Variants in TMC6 observed in about 807,000 individuals in gnomAD.
TMC6 encodes transmembrane channel-like protein 6.
A neutral mutation model predicts 95.4 loss-of-function variants in TMC6; 71 were observed. The observed-to-expected ratio is 0.74, with a 90% CI of 0.61 to 0.91. The LOEUF is 0.91. Among genes scored for constraint, TMC6 ranks in the 40% least tolerant of loss-of-function variants. The probability of loss-of-function intolerance (pLI) is 0.00; values close to 1 mark genes in which losing one functional copy is unlikely to be tolerated. For missense variants in TMC6, 1,074 were observed against 1,079.1 expected (o/e 1.00, Z 0.07); for synonymous variants, 514 against 483.1 (o/e 1.06, Z -0.84).
At chr17:78,113,819 T>A in intron 18 of TMC6, 195 bp from the exon 19 acceptor site, 1 of 635,808 alleles carries the variant, frequency 1.6e-6, no homozygotes. Context: ...TGGGCGTATG[T>A]GTGGATCTAA....
In TMC6 at chr17:78,124,717, G is replaced by A. The variant is rs897751975; in HGVS notation, c.698C>T (p.Ala233Val). 1.3e-6 allele frequency: 2 copies of A among 1,594,036 alleles called. No homozygotes were observed. The highest frequency in any genetic ancestry group is 8.5e-7 in the Non-Finnish European group (1 of 1,170,854). ...ALQALMPWRY[A>V]LKRIGGQFGS... ...GAACTGGCCCCCGATGCGCTTCAGG[G>A]CGTAGCGCCACGGCATCAGGGCCTG... Residue 233 changes from alanine to valine, a missense_variant, in exon 8 of 20, where the codon GCC (alanine) becomes GTC (valine). Ala to Val is a moderately conservative substitution (Grantham distance 64). Coordinates refer to ENST00000590602, the MANE Select transcript of TMC6 (RefSeq NM_001127198.5).
At chr17:78,126,960 C>G in intron 1 of TMC6, 54 bp from the exon 2 acceptor site, 2 of 1,073,582 alleles carry the variant, frequency 1.9e-6, no homozygotes, top group Non-Finnish European at 2.8e-6. Flanking sequence ...TGGCAGCTGT[C>G]CACACCACCC....
chr17:78,117,068 G>A (rs1321180018), intron 18 of TMC6, among the ~76,000 whole-genome samples: 2 of 152,208 alleles, frequency 1.3e-5, no homozygotes, highest in African/African-American at 4.8e-5. Flanking sequence ...CGGGTCCTTG[G>A]GGATCAGGAG....
In TMC6 at chr17:78,122,531, A is replaced by G. The variant is rs1481492482; in HGVS notation, c.1227+74T>C. The G allele has an allele frequency of 1.4e-5, 22 of 1,587,072 alleles. No homozygotes were observed. The highest frequency in any genetic ancestry group is 1.7e-5 in the Non-Finnish European group (20 of 1,172,074). ...CCCTCTAGACCATGGTTCTGGTCAC[A>G]TGGTCCTAAGTGGACCCAGGGCCAG... On this transcript the variant is annotated intron_variant, in intron 10 of 19. Transcript: ENST00000590602. The surrounding 1 kb of genome is among the most constrained non-coding windows in gnomAD (Gnocchi z 4.9).
In TMC6 at chr17:78,112,804, C is replaced by T. The variant is rs983351172; in HGVS notation, c.*344G>A. On this transcript the variant is annotated 3_prime_UTR_variant, in exon 20 of 20. Transcript: ENST00000590602. ...CATCTGGGGCTTGGCCAGCAGAGGGCGCCCCCACTCCAGCTGAGGTTCCCA... is the reference window on the plus strand; with the variant it reads ...CATCTGGGGCTTGGCCAGCAGAGGGTGCCCCCACTCCAGCTGAGGTTCCCA... 22 of 393,668 alleles carry T rather than the reference C, an allele frequency of 5.6e-5. No individual in the cohort carries two copies. Among genetic ancestry groups the T allele is most frequent in the Admixed American group, 2.6e-4 (6 of 23,020 alleles). 24.4% of individuals were successfully genotyped at this position (393,668 alleles called of 1,614,324 possible). A position where few individuals can be genotyped will look rare whatever the true frequency, so the allele number is the denominator to read the frequency against.
rs2073777693 is a variant in TMC6, at chr17:78,109,322, C to G, written c.*3826G>C. On this transcript the variant is annotated 3_prime_UTR_variant, in exon 20 of 20. Coordinates refer to ENST00000590602, the MANE Select transcript of TMC6 (RefSeq NM_001127198.5). ...GACAGTGGGGCATCCCGAGAAGATC[C>G]TCTGCAGGAGTGCGGTGTCTACGGA... The G allele has an allele frequency of 2.6e-6, 1 of 382,812 alleles. No individual in the cohort carries two copies. Among genetic ancestry groups the G allele is most frequent in the Non-Finnish European group, 5.3e-6 (1 of 189,828 alleles). The allele number at this position is 382,812 out of a possible 1,614,324, so 23.7% of individuals were successfully genotyped here.
intron 18 of TMC6, among the ~76,000 whole-genome samples, chr17:78,114,178 G>T (rs1056941301): frequency 6.6e-6 from 1 of 152,094 alleles, no homozygotes; most frequent in African/African-American, 2.4e-5. Context: ...CCTCTTCCTC[G>T]CCTTTTCCAA....
rs938114062 is a variant in TMC6, at chr17:78,122,988, G to T, written c.1083-239C>A. The stretch of plus-strand genomic sequence containing the variant: ...AAGAGGGGGCAGGGCTGCATTCACC[G>T]CGGACTTGGCTGGCTGCCTCCCAGC... On this transcript the variant is annotated intron_variant, in intron 9 of 19. Coordinates refer to ENST00000590602, the MANE Select transcript of TMC6 (RefSeq NM_001127198.5). The surrounding 1 kb of genome is among the most constrained non-coding windows in gnomAD (Gnocchi z 4.9). 8.2e-6 allele frequency: 5 copies of T among 608,124 alleles called. No homozygotes were observed. The highest frequency in any genetic ancestry group is 1.5e-5 in the Non-Finnish European group (5 of 344,428). The allele number at this position is 608,124 out of a possible 1,614,324, so 37.7% of individuals were successfully genotyped here. A position where few individuals can be genotyped will look rare whatever the true frequency, so the allele number is the denominator to read the frequency against.
chr17:78,124,347 C>T, intron 8 of TMC6, 168 bp from the exon 9 acceptor site: 1 of 1,339,902 alleles, frequency 7.5e-7, no homozygotes, highest in Non-Finnish European at 1.0e-6. Context: ...CATGGGAACC[C>T]CAGCACGATG....
At chr17:78,113,684 C>A in intron 18 of TMC6, 60 bp from the exon 19 acceptor site, 1 of 1,576,822 alleles carries the variant, frequency 6.3e-7, no homozygotes. Context: ...CCAGAGCCAT[C>A]CTGTTCCAAA....
rs1321725901 is a variant in TMC6 at position 78,109,547 on chromosome 17, C to T, written c.*3601G>A. 2.2e-6 allele frequency: 1 copy of T among 456,522 alleles called. No homozygotes were observed. The highest frequency in any genetic ancestry group is 6.9e-5 in the East Asian group (1 of 14,394). 28.3% of individuals were successfully genotyped at this position (456,522 alleles called of 1,614,324 possible). A position where few individuals can be genotyped will look rare whatever the true frequency, so the allele number is the denominator to read the frequency against. On this transcript the variant is annotated 3_prime_UTR_variant, in exon 20 of 20. Coordinates refer to ENST00000590602, the MANE Select transcript of TMC6 (RefSeq NM_001127198.5). ...TCAGGAGGCTGAGGCGGGAGGATCA[C>T]CTGAGCCCAGGAGGTCGAGGCTGCA...
At position 78,124,749 on chromosome 17, in the gene TMC6, G is replaced by C. The variant is rs371379212; in HGVS notation, c.666C>G (p.Ser222=). ...ALHSLGLALL[S]ALQALMPWRY... is the part of the protein sequence containing the mutation. ...GCCACGGCATCAGGGCCTGCAGGGCGGAGAGCAGCGCCAGGCCCAGGCTGT... is the reference window on the plus strand; with the variant it reads ...GCCACGGCATCAGGGCCTGCAGGGCCGAGAGCAGCGCCAGGCCCAGGCTGT... Residue 222 remains serine (S), a synonymous_variant, in exon 8 of 20, where the codon TCC becomes TCG. Coordinates refer to ENST00000590602, the MANE Select transcript of TMC6 (RefSeq NM_001127198.5). 2 of 1,584,488 alleles carry C rather than the reference G, an allele frequency of 1.3e-6. No individual in the cohort carries two copies. Among genetic ancestry groups the C allele is most frequent in the African/African-American group, 2.7e-5 (2 of 74,388 alleles).
upstream of TMC6, chr17:78,128,829 C>A (rs550359187): frequency 1.4e-5 from 2 of 145,334 alleles, no homozygotes; most frequent in African/African-American, 5.0e-5. The surrounding 1 kb of genome is among the most constrained non-coding windows in gnomAD (Gnocchi z 4.0). Flanking sequence ...TCGGCTATCA[C>A]GTGACCCGGC....
rs376249338 is a variant in TMC6, at chr17:78,117,825, G to C, written c.1998C>G (p.Val666=). Residue 666 remains valine, a synonymous_variant, in exon 16 of 20, where the codon GTC becomes GTG. Coordinates refer to ENST00000590602, the MANE Select transcript of TMC6 (RefSeq NM_001127198.5). ...ACTGCCAGACGGCGTAGCAGAGGAAGACAGCGGCGCCCAGGAAGGCGGGGA... is the reference window on the plus strand; with the variant it reads ...ACTGCCAGACGGCGTAGCAGAGGAACACAGCGGCGCCCAGGAAGGCGGGGA... The part of the protein sequence containing the change: ...LCFPAFLGAA[V]FLCYAVWQVK... 5 of 1,607,580 alleles carry C rather than the reference G, an allele frequency of 3.1e-6. No homozygotes were observed. The highest frequency in any genetic ancestry group is 4.2e-6 in the Non-Finnish European group (5 of 1,177,310).
chr17:78,130,069 G>A (rs984236505), upstream of TMC6, among the ~76,000 whole-genome samples: 2 of 152,214 alleles, frequency 1.3e-5, no homozygotes, highest in Non-Finnish European at 2.9e-5. Context: ...AGGGAGCAGA[G>A]AGGAAGGGCT....
At chr17:78,127,856 T>C (rs1290781474) in intron 1 of TMC6, among the ~76,000 whole-genome samples, 2 of 152,146 alleles carry the variant, frequency 1.3e-5, no homozygotes, top group African/African-American at 4.8e-5. Context: ...CTGGGTGCCA[T>C]CTTCGGGCCC....
intron 3 of TMC6, 22 bp downstream of exon 3, chr17:78,126,502 C>T: frequency 1.2e-6 from 2 of 1,612,740 alleles, no homozygotes; most frequent in South Asian, 2.2e-5. Context: ...CCACACCACC[C>T]AGCATCCAGG....
chr17:78,131,649 C>T (rs1414606577), upstream of TMC6: 1 of 1,561,398 alleles, frequency 6.4e-7, no homozygotes, highest in East Asian at 2.4e-5. Flanking sequence ...GCCGGAGGAG[C>T]TGTGGGAGGC....
chr17:78,126,971 A>C (rs1330327086), intron 1 of TMC6, 65 bp from the exon 2 acceptor site: 2 of 993,646 alleles, frequency 2.0e-6, no homozygotes, highest in African/African-American at 3.2e-5. Context: ...CACACCACCC[A>C]TTCCTGGGGG....
Sources: gnomAD v4.1 joint callset for allele counts (sites outside exome capture counted in the v4.1 genomes callset) on GRCh38, gnomAD v4.1.1 for gene constraint, Gnocchi (gnomAD v3.1) non-coding constraint, MANE v1.5 for transcripts, NCBI Gene and HGNC (gene_info 2026-07-23, HGNC 2026-07-21) for gene names.